MYOM1: variants seen among roughly 807,000 people sequenced by gnomAD.
The protein encoded by MYOM1 is myomesin-1.
MYOM1 carries 164 observed loss-of-function variants against 205.3 expected under a neutral mutation model. That is an observed-to-expected ratio of 0.80 (90% CI 0.70 to 0.91). The LOEUF (loss-of-function observed/expected upper bound fraction) is 0.91. MYOM1 is among the 40% of genes least tolerant of loss of function. The pLI, the probability that MYOM1 is intolerant of heterozygous loss-of-function variation, is 0.00. For synonymous variants in MYOM1, 772 were observed against 789.4 expected, an observed-to-expected ratio of 0.98 and a Z score of 0.37; for missense variants, 2,011 against 2,127.3, an observed-to-expected ratio of 0.95 and a Z score of 1.08.
intron 29 of MYOM1, among the ~76,000 whole-genome samples, chr18:3,087,403 C>T (rs1488464014): frequency 6.6e-6 from 1 of 151,268 alleles, no homozygotes; most frequent in Non-Finnish European, 1.5e-5. Context: ...TTCTGTTGTC[C>T]GGGATGGCAA....
chr18:3,229,105 C>A, the MYOM1 span, among the ~76,000 whole-genome samples: 1 of 152,366 alleles, frequency 6.6e-6, no homozygotes, highest in South Asian at 2.1e-4. Context: ...TTTGGAGCAT[C>A]TTTAGTTTCA....
intron 37 of MYOM1, among the ~76,000 whole-genome samples, chr18:3,069,555 A>G (rs1024029107): frequency 6.6e-5 from 10 of 152,194 alleles, no homozygotes; most frequent in Admixed American, 1.3e-4. Flanking sequence ...TTATCCTACA[A>G]ATACATTTCA....
Position 3,215,023 on chromosome 18 carries a change from G to A in MYOM1, c.201C>T (p.Ser67=), listed in dbSNP as rs1162833221. The A allele has an allele frequency of 1.2e-6, 2 of 1,612,522 alleles. No individual in the cohort carries two copies. The highest frequency in any genetic ancestry group is 2.2e-5 in the East Asian group (1 of 44,830). Reference sequence around the variant, plus strand: ...GCTGCGAGGCCTGCTGCTGGGAGGAGGAGGCGGACGCCCGACGGAAGGCCT... The same window carrying A: ...GCTGCGAGGCCTGCTGCTGGGAGGAAGAGGCGGACGCCCGACGGAAGGCCT... ...ESEAFRRASA[S]SSQQQASQHA... is the part of the protein sequence containing the mutation. The change falls in exon 2 of 38, where the codon TCC becomes TCT. Residue 67 remains serine, a synonymous_variant. Transcript: ENST00000356443.
chr18:3,136,146 G>T (rs1308415993), intron 14 of MYOM1, among the ~76,000 whole-genome samples: 2 of 151,994 alleles, frequency 1.3e-5, no homozygotes, highest in Non-Finnish European at 2.9e-5. Flanking sequence ...CACCGTGTAA[G>T]ACGTGCCTTT....
At chr18:3,089,101 A>G in intron 29 of MYOM1, 73 bp downstream of exon 29, 4 of 1,099,684 alleles carry the variant, frequency 3.6e-6, no homozygotes, top group Non-Finnish European at 5.3e-6. Flanking sequence ...GAGATGAAAA[A>G]TTGAGCTTCC....
Position 3,142,059 on chromosome 18 carries a change from AC to A in MYOM1, c.1904del (p.Gly635ValfsTer52). 6.2e-7 allele frequency: 1 copy of A among 1,612,990 alleles called. No homozygotes were observed. The highest frequency in any genetic ancestry group is 8.5e-7 in the Non-Finnish European group (1 of 1,179,372). Reference sequence around the variant, plus strand: ...GGTCTGTCGGGGGGCCAGGCACAATACCCTCTGAAAAACAACAAGGAAAAAT... The same window carrying A: ...GGTCTGTCGGGGGGCCAGGCACAATACCTCTGAAAAACAACAAGGAAAAAT... ...IIVTEEEPSE[G>X]IVPGPPTDLS... On this transcript the variant is annotated frameshift_variant, in exon 14 of 38. Transcript: ENST00000356443. LOFTEE classifies it high-confidence loss of function.
At chr18:3,180,824 A>G (rs1312029628) in intron 5 of MYOM1, among the ~76,000 whole-genome samples, 1 of 152,110 alleles carries the variant, frequency 6.6e-6, no homozygotes, top group African/African-American at 2.4e-5. Flanking sequence ...AGTTTATAGT[A>G]TGGGGTCACA....
intron 19 of MYOM1, among the ~76,000 whole-genome samples, chr18:3,120,704 A>T (rs2079677742): frequency 6.6e-6 from 1 of 152,194 alleles, no homozygotes; most frequent in Non-Finnish European, 1.5e-5. Flanking sequence ...ATAGAAAGCT[A>T]GGGCATGTAC....
At chr18:3,090,830 A>T in intron 26 of MYOM1, 28 bp from the exon 27 acceptor site, 1 of 1,613,248 alleles carries the variant, frequency 6.2e-7, no homozygotes, top group Non-Finnish European at 8.5e-7. Flanking sequence ...AATGACAGAG[A>T]AATCACTGAG....
intron 21 of MYOM1, among the ~76,000 whole-genome samples, chr18:3,115,416 G>A (rs1325395403): frequency 1.3e-5 from 2 of 152,114 alleles, no homozygotes; most frequent in African/African-American, 2.4e-5. Context: ...TAGATGGAAG[G>A]GACTTAGTTC....
chr18:3,163,724 G>T (rs1466260081), intron 10 of MYOM1, among the ~76,000 whole-genome samples: 5 of 152,136 alleles, frequency 3.3e-5, no homozygotes, highest in African/African-American at 1.2e-4. Context: ...AAAGTGCTGG[G>T]ATTACAGGCA....
intron 1 of MYOM1, 61 bp from the exon 2 acceptor site, chr18:3,215,312 A>G: frequency 7.9e-7 from 1 of 1,259,788 alleles, no homozygotes; most frequent in Non-Finnish European, 1.1e-6. Context: ...AGACCAAGTC[A>G]TCTAAATCAA....
At chr18:3,104,124 T>G (rs1385306779) in intron 22 of MYOM1, among the ~76,000 whole-genome samples, 2 of 152,198 alleles carry the variant, frequency 1.3e-5, no homozygotes, top group Non-Finnish European at 2.9e-5. Context: ...CTATTCCTGA[T>G]AACACGTGAC....
At chr18:3,134,908 A>G in intron 15 of MYOM1, 84 bp from the exon 16 acceptor site, 1 of 1,331,670 alleles carries the variant, frequency 7.5e-7, no homozygotes, top group Non-Finnish European at 1.1e-6. Flanking sequence ...ACACCTAGGT[A>G]TTTTACACAC....
At chr18:3,153,328 T>C (rs547710361) in intron 11 of MYOM1, among the ~76,000 whole-genome samples, 6 of 152,232 alleles carry the variant, frequency 3.9e-5, no homozygotes, top group Non-Finnish European at 7.3e-5. Context: ...CTCACTGATA[T>C]GTGGTCTCGG....
chr18:3,098,792 A>G (rs1022312588), intron 25 of MYOM1, among the ~76,000 whole-genome samples: 1 of 152,186 alleles, frequency 6.6e-6, no homozygotes, highest in Admixed American at 6.5e-5. Flanking sequence ...CTCACTCATG[A>G]TATTACTTTT....
At chr18:3,234,087 G>A in the MYOM1 span, among the ~76,000 whole-genome samples, 1 of 152,178 alleles carries the variant, frequency 6.6e-6, no homozygotes, top group East Asian at 1.9e-4. Flanking sequence ...CTGTAAAATG[G>A]AGGTGACAGT....
At chr18:3,241,146 A>G in the MYOM1 span, among the ~76,000 whole-genome samples, 7 of 152,228 alleles carry the variant, frequency 4.6e-5, no homozygotes. Flanking sequence ...CTGAGGAGAA[A>G]TTTAAGCCGG....
Position 3,079,303 on chromosome 18 carries a change from C to T in MYOM1, c.4524G>A (p.Gly1508=), listed in dbSNP as rs1260004411. Residue 1508 remains glycine (G), a synonymous_variant, in exon 34 of 38, where the codon GGG becomes GGA. Coordinates refer to ENST00000356443, the MANE Select transcript of MYOM1 (RefSeq NM_003803.4). ...GTAGCCAGATCTGCTCTCCAGTGACCCCGGTCTTAACTCTGTCTGAGTACC... is the reference window on the plus strand; with the variant it reads ...GTAGCCAGATCTGCTCTCCAGTGACTCCGGTCTTAACTCTGTCTGAGTACC... The part of the protein sequence containing the change: ...AIRYSDRVKT[G]VTGEQIWLQI... 10 of 1,613,706 alleles carry T rather than the reference C, an allele frequency of 6.2e-6. No homozygotes were observed. The highest frequency in any genetic ancestry group is 2.7e-5 in the African/African-American group (2 of 74,880).
Sources: gnomAD v4.1 joint callset for allele counts (sites outside exome capture counted in the v4.1 genomes callset) on GRCh38, gnomAD v4.1.1 for gene constraint, MANE v1.5 for transcripts, NCBI Gene and HGNC (gene_info 2026-07-23, HGNC 2026-07-21) for gene names.